Variants in DDX10 observed in about 807,000 individuals in gnomAD.
DDX10 encodes the protein probable ATP-dependent RNA helicase DDX10.
In DDX10, 74 loss-of-function variants were observed where a neutral mutation model predicts 104.3. The ratio of observed to expected loss-of-function variants is 0.71; its 90% CI spans 0.59 to 0.86. The LOEUF (loss-of-function observed/expected upper bound fraction) is 0.86, where lower values mean the gene tolerates loss of function less well. DDX10 is among the 40% of genes least tolerant of loss of function. The probability of loss-of-function intolerance (pLI) is 0.00; values close to 1 mark genes in which losing one functional copy is unlikely to be tolerated. For missense variants in DDX10, 952 were observed against 1,040.0 expected, an observed-to-expected ratio of 0.92 and a Z score of 1.16; for synonymous variants, 351 against 353.4, an observed-to-expected ratio of 0.99 and a Z score of 0.08.
At chr11:108,771,750 G>A (rs1331318196) in intron 13 of DDX10, among the ~76,000 whole-genome samples, 1 of 152,194 alleles carries the variant, frequency 6.6e-6, no homozygotes, top group Admixed American at 6.5e-5. Context: ...GGAGGCTATA[G>A]CTTTAATTGG....
At chr11:108,696,455 G>A (rs180828200) in intron 9 of DDX10, among the ~76,000 whole-genome samples, 143 of 152,324 alleles carry the variant, frequency 9.4e-4, no homozygotes, top group African/African-American at 3.2e-3. Context: ...GGGATTACAG[G>A]TGTGAGCCAC....
intron 13 of DDX10, among the ~76,000 whole-genome samples, chr11:108,804,133 T>C (rs1254297580): frequency 6.6e-6 from 1 of 152,140 alleles, no homozygotes; most frequent in African/African-American, 2.4e-5. Flanking sequence ...TGTACATCAG[T>C]CCAACAAAGA....
intron 16 of DDX10, among the ~76,000 whole-genome samples, chr11:108,880,772 T>C (rs886716145): frequency 1.3e-5 from 2 of 152,296 alleles, no homozygotes; most frequent in African/African-American, 2.4e-5. Flanking sequence ...TTGAGACAGA[T>C]GTGGAATTTC....
chr11:108,916,321 A>G (rs889596415), intron 16 of DDX10, among the ~76,000 whole-genome samples: 5 of 152,234 alleles, frequency 3.3e-5, no homozygotes, highest in African/African-American at 9.6e-5. Flanking sequence ...ATTATTTTCA[A>G]GTAAACAATA....
intron 13 of DDX10, among the ~76,000 whole-genome samples, chr11:108,781,239 C>T: frequency 6.6e-6 from 1 of 152,162 alleles, no homozygotes; most frequent in African/African-American, 2.4e-5. Flanking sequence ...GACATGATTT[C>T]ACTCTTTTTT....
At chr11:108,917,755 A>G in intron 16 of DDX10, 118 bp from the exon 17 acceptor site, 1 of 988,846 alleles carries the variant, frequency 1.0e-6, no homozygotes, top group South Asian at 1.6e-5. Context: ...CTACACCAGA[A>G]GAGAAAGCTA....
chr11:108,858,083 G>C (rs945993996), intron 16 of DDX10, among the ~76,000 whole-genome samples: 1 of 152,160 alleles, frequency 6.6e-6, no homozygotes. Context: ...ATTATTTCCA[G>C]CCCAGGAAGA....
At chr11:108,780,819 C>T (rs2094377149) in intron 13 of DDX10, among the ~76,000 whole-genome samples, 1 of 152,134 alleles carries the variant, frequency 6.6e-6, no homozygotes. Flanking sequence ...AAATGAAATT[C>T]TCAAGAGGAA....
intron 1 of DDX10, among the ~76,000 whole-genome samples, chr11:108,666,527 C>CA (rs2094210423): frequency 1.3e-5 from 2 of 152,172 alleles, no homozygotes; most frequent in African/African-American, 4.8e-5. Context: ...TTTACCTTGT[C>CA]ACAGTTCTGG....
intron 13 of DDX10, among the ~76,000 whole-genome samples, chr11:108,724,217 A>G (rs2094302385): frequency 6.6e-6 from 1 of 152,118 alleles, no homozygotes; most frequent in African/African-American, 2.4e-5. Context: ...CAAGATTCAC[A>G]GTAGGAAATA....
At chr11:108,676,877 C>T (rs971138826) in intron 3 of DDX10, among the ~76,000 whole-genome samples, 13 of 152,050 alleles carry the variant, frequency 8.5e-5, no homozygotes, top group African/African-American at 2.9e-4. Flanking sequence ...GCTGAACTAC[C>T]GTGGGGTTTC....
chr11:108,796,157 C>G (rs1014837475), intron 13 of DDX10, among the ~76,000 whole-genome samples: 2 of 152,122 alleles, frequency 1.3e-5, no homozygotes, highest in Non-Finnish European at 1.5e-5. Context: ...GTGATTCTCT[C>G]TCTCTCTTTC....
intron 13 of DDX10, among the ~76,000 whole-genome samples, chr11:108,797,915 G>A (rs1861968090): frequency 6.6e-6 from 1 of 152,210 alleles, no homozygotes; most frequent in South Asian, 2.1e-4. Flanking sequence ...CCATTCCTCA[G>A]TAATGATCCC....
At chr11:108,701,092 A>T (rs749220621) in intron 9 of DDX10, among the ~76,000 whole-genome samples, 10 of 151,956 alleles carry the variant, frequency 6.6e-5, no homozygotes, top group Non-Finnish European at 1.0e-4. Context: ...TAAGGTGCAG[A>T]TGACTTTCTT....
chr11:108,876,038 T>C (rs886996688), intron 16 of DDX10, among the ~76,000 whole-genome samples: 1 of 152,282 alleles, frequency 6.6e-6, no homozygotes, highest in Non-Finnish European at 1.5e-5. Flanking sequence ...TCTCCGAGAA[T>C]GTTAGGTTGA....
At chr11:108,815,368 G>A (rs1862241357) in intron 13 of DDX10, among the ~76,000 whole-genome samples, 2 of 152,044 alleles carry the variant, frequency 1.3e-5, no homozygotes, top group South Asian at 4.2e-4. Context: ...GGCATATGCA[G>A]GGGGTTGGTT....
intron 13 of DDX10, among the ~76,000 whole-genome samples, chr11:108,811,737 C>T (rs1476642567): frequency 6.6e-6 from 1 of 152,018 alleles, no homozygotes; most frequent in African/African-American, 2.4e-5. Flanking sequence ...GGCTCTATGT[C>T]CAGTTATATT....
chr11:108,703,300 A>G (rs2094271117), intron 9 of DDX10, among the ~76,000 whole-genome samples: 1 of 152,198 alleles, frequency 6.6e-6, no homozygotes, highest in Admixed American at 6.5e-5. Flanking sequence ...TATGTTTTGA[A>G]AACAAATCTG....
At chr11:108,751,303 A>G (rs1160125110) in intron 13 of DDX10, among the ~76,000 whole-genome samples, 1 of 152,106 alleles carries the variant, frequency 6.6e-6, no homozygotes. Flanking sequence ...GGGATAGTGT[A>G]GGTATAGGTA....
Sources: gnomAD v4.1 joint callset for allele counts (sites outside exome capture counted in the v4.1 genomes callset) on GRCh38, gnomAD v4.1.1 for gene constraint, MANE v1.5 for transcripts, NCBI Gene and HGNC (gene_info 2026-07-23, HGNC 2026-07-21) for gene names.